The following PTPRD variants were observed in gnomAD, a reference collection of about 807,000 sequenced individuals.
The protein encoded by PTPRD is protein tyrosine phosphatase receptor type D.
Under a neutral mutation model 214.5 loss-of-function variants are expected in PTPRD, and 34 were observed. The ratio of observed to expected loss-of-function variants is 0.16; its 90% CI spans 0.12 to 0.21. The LOEUF (loss-of-function observed/expected upper bound fraction) is 0.21, where lower values mean the gene tolerates loss of function less well. Ranked by LOEUF, PTPRD falls within the 10% of genes least tolerant of loss-of-function variation. The pLI is 1.00. For missense variants in PTPRD, 2,545 were observed against 2,398.7 expected (o/e 1.06, Z -1.27); for synonymous variants, 1,128 against 845.7 (o/e 1.33, Z -5.79).
At chr9:8,605,143 C>T (rs542431682) in intron 14 of PTPRD, among the ~76,000 whole-genome samples, 1 of 152,314 alleles carries the variant, frequency 6.6e-6, no homozygotes, top group Non-Finnish European at 1.5e-5. Context: ...CTTCTATCAA[C>T]CTCTTCAGCA....
chr9:10,088,739 T>C (rs539542447), intron 3 of PTPRD, among the ~76,000 whole-genome samples: 82 of 151,876 alleles, frequency 5.4e-4, no homozygotes, highest in African/African-American at 1.9e-3. Flanking sequence ...ATCTACATCT[T>C]TGGATGTTAT....
At chr9:9,482,435 T>C (rs947601722) in intron 8 of PTPRD, among the ~76,000 whole-genome samples, 7 of 152,200 alleles carry the variant, frequency 4.6e-5, no homozygotes, top group Non-Finnish European at 8.8e-5. Context: ...GGGTAGAACG[T>C]TGAAGTGTCT....
intron 3 of PTPRD, among the ~76,000 whole-genome samples, chr9:10,095,108 A>AT (rs2098470261): frequency 6.6e-6 from 1 of 151,340 alleles, no homozygotes; most frequent in South Asian, 2.1e-4. Context: ...TAGGTGAGAT[A>AT]TTTTGTCATT....
chr9:10,304,826 T>A (rs934018958), intron 3 of PTPRD, among the ~76,000 whole-genome samples: 1 of 152,106 alleles, frequency 6.6e-6, no homozygotes, highest in South Asian at 2.1e-4. Flanking sequence ...AAAATGGCCA[T>A]ACTGCCCAAA....
chr9:8,838,069 A>G (rs1364772532), intron 11 of PTPRD, among the ~76,000 whole-genome samples: 1 of 152,174 alleles, frequency 6.6e-6, no homozygotes, highest in Admixed American at 6.5e-5. Context: ...AGCACCAAAG[A>G]AAAATCTCTA....
intron 8 of PTPRD, among the ~76,000 whole-genome samples, chr9:9,542,078 A>T (rs550749386): frequency 6.6e-6 from 1 of 151,910 alleles, no homozygotes; most frequent in East Asian, 1.9e-4. Flanking sequence ...AAGATCAAGA[A>T]AAATGACAAA....
At chr9:8,952,012 T>C (rs939910788) in intron 11 of PTPRD, among the ~76,000 whole-genome samples, 2 of 151,958 alleles carry the variant, frequency 1.3e-5, no homozygotes, top group Non-Finnish European at 2.9e-5. Flanking sequence ...ATACATAATA[T>C]ATATACACAT....
chr9:9,240,136 A>T (rs997722620), intron 9 of PTPRD, among the ~76,000 whole-genome samples: 10 of 151,892 alleles, frequency 6.6e-5, no homozygotes, highest in African/African-American at 2.4e-4. Context: ...TTGTAAGTAA[A>T]CTTTTCAATA....
chr9:10,005,893 G>A (rs1029573001), intron 4 of PTPRD, among the ~76,000 whole-genome samples: 2 of 152,014 alleles, frequency 1.3e-5, no homozygotes, highest in East Asian at 1.9e-4. Flanking sequence ...TATGGTAAAT[G>A]CTTAATTAAA....
chr9:9,014,659 T>A (rs1444510049), intron 11 of PTPRD, among the ~76,000 whole-genome samples: 4 of 152,164 alleles, frequency 2.6e-5, no homozygotes, highest in African/African-American at 9.7e-5. Context: ...TCAAGCAGTA[T>A]ATTTACATGG....
intron 7 of PTPRD, among the ~76,000 whole-genome samples, chr9:9,657,713 G>T (rs1461241076): frequency 6.6e-6 from 1 of 152,166 alleles, no homozygotes; most frequent in African/African-American, 2.4e-5. Flanking sequence ...AAGAATACAA[G>T]ATTGAAGAAA....
intron 44 of PTPRD, among the ~76,000 whole-genome samples, chr9:8,326,259 T>C (rs11535418): frequency 6.6e-6 from 1 of 152,166 alleles, no homozygotes; most frequent in South Asian, 2.1e-4. Flanking sequence ...TACCTAGTTT[T>C]TTGAGAGTTG....
intron 3 of PTPRD, among the ~76,000 whole-genome samples, chr9:10,093,766 C>G (rs574561211): frequency 1.3e-5 from 2 of 151,450 alleles, no homozygotes; most frequent in Non-Finnish European, 3.0e-5. Flanking sequence ...ATAAAAAGAA[C>G]AAAATCGTGT....
At chr9:8,772,606 G>A (rs2117326) in intron 11 of PTPRD, among the ~76,000 whole-genome samples, 75,947 of 151,732 alleles carry the variant, frequency 0.5, 19,445 homozygotes, top group South Asian at 0.59. Context: ...CTACGCCACT[G>A]CAATCCAGCC....
intron 5 of PTPRD, among the ~76,000 whole-genome samples, chr9:9,893,561 A>T (rs563179565): frequency 6.6e-6 from 1 of 152,286 alleles, no homozygotes; most frequent in East Asian, 1.9e-4. Flanking sequence ...AATTCATGTA[A>T]TGGTTAATAG....
chr9:9,782,447 T>A (rs2098857414), intron 5 of PTPRD, among the ~76,000 whole-genome samples: 2 of 152,192 alleles, frequency 1.3e-5, no homozygotes, highest in African/African-American at 4.8e-5. Context: ...AAATGATTAT[T>A]GAGAATCATA....
intron 9 of PTPRD, among the ~76,000 whole-genome samples, chr9:9,225,718 G>T (rs1163237608): frequency 6.6e-6 from 1 of 152,002 alleles, no homozygotes; most frequent in East Asian, 1.9e-4. Context: ...ACAGGAAGAT[G>T]GAAAAAGAAG....
intron 10 of PTPRD, chr9:9,091,002 C>T (rs1190565139): frequency 1.3e-6 from 2 of 1,571,650 alleles, no homozygotes; most frequent in Admixed American, 1.7e-5. Context: ...AGGACAAGGC[C>T]ATTAAGAAAT....
chr9:9,430,256 T>C (rs183264072), intron 8 of PTPRD, among the ~76,000 whole-genome samples: 4,996 of 151,998 alleles, frequency 0.033, 189 homozygotes, highest in East Asian at 0.094. Context: ...TATACACCAA[T>C]AACAGACAAA....
Sources: gnomAD v4.1 joint callset for allele counts (sites outside exome capture counted in the v4.1 genomes callset) on GRCh38, gnomAD v4.1.1 for gene constraint, MANE v1.5 for transcripts, NCBI Gene and HGNC (gene_info 2026-07-23, HGNC 2026-07-21) for gene names.